The following FCRL4 variants were observed in gnomAD, a reference collection of about 807,000 sequenced individuals.
The protein encoded by FCRL4 is Fc receptor like 4, also known as Fc receptor-like protein 4.
FCRL4 carries 43 observed loss-of-function variants against 64.1 expected under a neutral mutation model. That is an observed-to-expected ratio of 0.67 (90% CI 0.53 to 0.87). The LOEUF is 0.87. Among genes scored for constraint, FCRL4 ranks in the 40% least tolerant of loss-of-function variants. The pLI, the probability that FCRL4 is intolerant of heterozygous loss-of-function variation, is 0.00. For synonymous variants in FCRL4, 253 were observed against 239.8 expected (o/e 1.05, Z -0.51); for missense variants, 656 against 613.5 (o/e 1.07, Z -0.73).
chr1:157,586,973 G>A lies in FCRL4; in HGVS notation c.847+303C>T, dbSNP rs1021901082. 1.2e-4 allele frequency among the ~76,000 whole-genome samples: 19 copies of A among 152,198 alleles called. No individual in the cohort carries two copies. The East Asian group carries it at 3.5e-3, about 28-fold the overall frequency. ...TTAAGATCTAGCCATTCTAGAATCT[G>A]CCAAATCCCTAGCAGGGCACCTCAT... On this transcript the variant is annotated intron_variant, in intron 5 of 11. Coordinates refer to ENST00000271532, the MANE Select transcript of FCRL4 (RefSeq NM_031282.3).
At chr1:157,585,343 TC>T in intron 6 of FCRL4, among the ~76,000 whole-genome samples, 1 of 71,698 alleles carries the variant, frequency 1.4e-5, no homozygotes, top group East Asian at 4.6e-4. Flanking sequence ...TCTTTCTCTC[TC>T]TCTTTCTTTC....
chr1:157,586,371 G>A lies in FCRL4; in HGVS notation c.932C>T (p.Ser311Phe), dbSNP rs1486482985. Residue 311 changes from serine to phenylalanine, a missense_variant, in exon 6 of 12, where the codon TCC (serine) becomes TTC (phenylalanine). Transcript: ENST00000271532. ...GGTATCCCCTGTGCCTTCAGCCACG[G>A]AGCAGACAAGGACCAGCATCTCCCC... ...VEGEMLVLVC[S>F]VAEGTGDTTF... 2 of 1,613,450 alleles carry A rather than the reference G, an allele frequency of 1.2e-6. No individual in the cohort carries two copies. Among genetic ancestry groups the A allele is most frequent in the Middle Eastern group, 3.3e-4 (2 of 6,062 alleles).
At chr1:157,589,884 C>T (rs949442182) in intron 2 of FCRL4, among the ~76,000 whole-genome samples, 1 of 152,156 alleles carries the variant, frequency 6.6e-6, no homozygotes, top group Non-Finnish European at 1.5e-5. Flanking sequence ...CCAGATTTGT[C>T]TCTTTGGCAT....
rs578126896 is a variant in FCRL4, at chr1:157,573,784, A to AGCGCTGAAAGTGAATATCCTTTTGCTT, written c.*1713_*1739dup. 1,382 of 185,082 alleles carry AGCGCTGAAAGTGAATATCCTTTTGCTT rather than the reference A, an allele frequency of 7.5e-3. 21 individuals are homozygous for AGCGCTGAAAGTGAATATCCTTTTGCTT. Among genetic ancestry groups the AGCGCTGAAAGTGAATATCCTTTTGCTT allele is most frequent in the African/African-American group, 0.029 (1,227 of 42,790 alleles). The allele number at this position is 185,082 out of a possible 1,614,324, so 11.5% of individuals were successfully genotyped here. On this transcript the variant is annotated 3_prime_UTR_variant, in exon 12 of 12. Coordinates refer to ENST00000271532, the MANE Select transcript of FCRL4 (RefSeq NM_031282.3). The stretch of plus-strand genomic sequence containing the variant: ...AGCTTTAATCTAATACTTCAGTATA[A>AGCGCTGAAAGTGAATATCCTTTTGCTT]GCGCTGAAAGTGAATATCCTTTTGC...
At chr1:157,584,404 C>T (rs1391137765) in intron 6 of FCRL4, among the ~76,000 whole-genome samples, 1 of 151,896 alleles carries the variant, frequency 6.6e-6, no homozygotes, top group Non-Finnish European at 1.5e-5. Flanking sequence ...GCCATGGTGG[C>T]ACATGCCTGT....
rs765173119 is a variant in FCRL4, at chr1:157,589,393, C to G, written c.118G>C (p.Val40Leu). 1 of 1,614,174 alleles carries G rather than the reference C, an allele frequency of 6.2e-7. No homozygotes were observed. The highest frequency in any genetic ancestry group is 8.5e-7 in the Non-Finnish European group (1 of 1,180,042). The change falls in exon 3 of 12, where the codon GTG (valine) becomes CTG (leucine). Residue 40 changes from valine to leucine, a missense_variant. Transcript: ENST00000271532. ...PWTTFFKGER[V>L]TLTCNGFQFY... Reference sequence around the variant, plus strand: ...TGAAATCCATTGCAAGTCAGAGTCACTCTCTCTCCTTTGAAGAATGTGGTC... The same window carrying G: ...TGAAATCCATTGCAAGTCAGAGTCAGTCTCTCTCCTTTGAAGAATGTGGTC...
At chr1:157,581,775 C>G in intron 6 of FCRL4, 131 bp from the exon 7 acceptor site, 2 of 677,192 alleles carry the variant, frequency 3.0e-6, no homozygotes, top group Non-Finnish European at 4.9e-6. Context: ...ATAAAGACAT[C>G]TTGGGCCAGG....
chr1:157,583,499 T>G lies in FCRL4; in HGVS notation c.1136-1855A>C, dbSNP rs892535559. ...TCAGATTTAGATGAAATCATGAGGG[T>G]GGGGCCCCAAAGATAGGATTAGTGC... On this transcript the variant is annotated intron_variant, in intron 6 of 11. Coordinates refer to ENST00000271532, the MANE Select transcript of FCRL4 (RefSeq NM_031282.3). 2.6e-5 allele frequency among the ~76,000 whole-genome samples: 4 copies of G among 152,006 alleles called. No homozygotes were observed. In the East Asian group the frequency reaches 7.7e-4, roughly 29 times the overall value.
intron 10 of FCRL4, among the ~76,000 whole-genome samples, chr1:157,577,182 T>G (rs1437681337): frequency 6.6e-6 from 1 of 152,068 alleles, no homozygotes; most frequent in Non-Finnish European, 1.5e-5. Flanking sequence ...CTTTCTGAGG[T>G]GAGAGTAGCA....
At chr1:157,576,992 T>C (rs891538945) in intron 10 of FCRL4, among the ~76,000 whole-genome samples, 8 of 152,150 alleles carry the variant, frequency 5.3e-5, no homozygotes, top group African/African-American at 9.7e-5. Context: ...ACTTCCCAAG[T>C]GAGGTGCCAT....
At chr1:157,596,286 G>A in intron 2 of FCRL4, 42 bp downstream of exon 2, 1 of 1,586,988 alleles carries the variant, frequency 6.3e-7, no homozygotes, top group South Asian at 1.1e-5. Context: ...TAGTTATTAG[G>A]GTATCTAGAG....
chr1:157,589,467 G>T lies in FCRL4; in HGVS notation c.53-9C>A. ...AGGTTTGTGTGCAGCTGCTGAGGAG[G>T]AAAGAGTAATAGGTCTGAGGTGGAG... On this transcript the variant is annotated splice_polypyrimidine_tract_variant and intron_variant, in intron 2 of 11. Coordinates refer to ENST00000271532, the MANE Select transcript of FCRL4 (RefSeq NM_031282.3). 6.2e-7 allele frequency: 1 copy of T among 1,613,340 alleles called. No individual in the cohort carries two copies. The highest frequency in any genetic ancestry group is 8.5e-7 in the Non-Finnish European group (1 of 1,179,338).
At chr1:157,580,246 A>G in intron 8 of FCRL4, 75 bp downstream of exon 8, 2 of 1,515,134 alleles carry the variant, frequency 1.3e-6, no homozygotes, top group Non-Finnish European at 1.8e-6. Flanking sequence ...AACTTGACCT[A>G]ATTTCATAAC....
Position 157,584,890 on chromosome 1 carries a change from A to T in FCRL4, c.1135+1278T>A, listed in dbSNP as rs1033856201. On this transcript the variant is annotated intron_variant, in intron 6 of 11. Transcript: ENST00000271532. ...TTTAGAAGTTGGAAATATTATAAGGATCTGGAAAGAAAACTTTAAAAAAGT... is the reference window on the plus strand; with the variant it reads ...TTTAGAAGTTGGAAATATTATAAGGTTCTGGAAAGAAAACTTTAAAAAAGT... 2.2e-5 allele frequency among the ~76,000 whole-genome samples: 3 copies of T among 136,154 alleles called. No homozygotes were observed. In the South Asian group the frequency reaches 8.3e-4, roughly 37 times the overall value. The allele number at this position is 136,154 out of a possible 152,430, so 89.3% of individuals were successfully genotyped here.
intron 2 of FCRL4, among the ~76,000 whole-genome samples, chr1:157,595,015 C>T (rs755058748): frequency 6.6e-6 from 1 of 152,194 alleles, no homozygotes; most frequent in Non-Finnish European, 1.5e-5. Context: ...TCTCCTGCCC[C>T]AGCCTCCTGA....
At chr1:157,583,852 C>T (rs1652616003) in intron 6 of FCRL4, among the ~76,000 whole-genome samples, 1 of 152,110 alleles carries the variant, frequency 6.6e-6, no homozygotes, top group Non-Finnish European at 1.5e-5. Context: ...GCATAAAGTC[C>T]ATGATTAAAA....
At chr1:157,582,497 C>T (rs780771648) in intron 6 of FCRL4, among the ~76,000 whole-genome samples, 9 of 152,146 alleles carry the variant, frequency 5.9e-5, no homozygotes, top group Non-Finnish European at 8.8e-5. Flanking sequence ...GAGAGTGGGG[C>T]GTGGTACTTT....
chr1:157,583,187 A>T (rs1436495831), intron 6 of FCRL4, among the ~76,000 whole-genome samples: 1 of 152,186 alleles, frequency 6.6e-6, no homozygotes, highest in African/African-American at 2.4e-5. Flanking sequence ...GAGTTAATAC[A>T]TGTAAAGTGC....
intron 1 of FCRL4, among the ~76,000 whole-genome samples, chr1:157,596,651 A>G (rs1652973425): frequency 6.6e-6 from 1 of 152,174 alleles, no homozygotes; most frequent in South Asian, 2.1e-4. Flanking sequence ...AATGAGTTAG[A>G]TCAGTAAGGT....
Sources: gnomAD v4.1 joint callset for allele counts (sites outside exome capture counted in the v4.1 genomes callset) on GRCh38, gnomAD v4.1.1 for gene constraint, MANE v1.5 for transcripts, NCBI Gene and HGNC (gene_info 2026-07-23, HGNC 2026-07-21) for gene names.